The following TK1 variants were observed in gnomAD, a reference collection of about 807,000 sequenced individuals.
TK1 encodes thymidine kinase, cytosolic.
TK1 carries 13 observed loss-of-function variants against 22.4 expected under a neutral mutation model. The ratio of observed to expected loss-of-function variants is 0.58; its 90% CI spans 0.38 to 0.92. TK1 has a LOEUF of 0.92. Ranked by LOEUF, TK1 falls within the 40% of genes least tolerant of loss-of-function variation. TK1 has a pLI of 0.00. For synonymous variants in TK1, 134 were observed against 125.4 expected, an observed-to-expected ratio of 1.07 and a Z score of -0.46; for missense variants, 251 against 315.7, an observed-to-expected ratio of 0.80 and a Z score of 1.55.
Position 78,174,628 on chromosome 17 carries a change from G to T in TK1, c.*131C>A. 2 of 1,057,416 alleles carry T rather than the reference G, an allele frequency of 1.9e-6. No individual in the cohort carries two copies. The highest frequency in any genetic ancestry group is 2.7e-6 in the Non-Finnish European group (2 of 752,418). 65.5% of individuals were successfully genotyped at this position (1,057,416 alleles called of 1,614,324 possible). A position where few individuals can be genotyped will look rare whatever the true frequency, so the allele number is the denominator to read the frequency against. ...AGGTGGGGCAGCCACACAAAGGAGAGTTCCCAGAAGGCCAAGGTGTGGTCA... is the reference window on the plus strand; with the variant it reads ...AGGTGGGGCAGCCACACAAAGGAGATTTCCCAGAAGGCCAAGGTGTGGTCA... On this transcript the variant is annotated 3_prime_UTR_variant, in exon 7 of 7. Transcript: ENST00000301634.
At chr17:78,183,777 T>C (rs2075757393) in intron 3 of TK1, 1 of 152,264 alleles carries the variant, frequency 6.6e-6, no homozygotes, top group South Asian at 2.1e-4. Flanking sequence ...TACTTCGAGT[T>C]CTGGAAAGAA....
chr17:78,187,080 C>T (rs1289837902), upstream of TK1: 2 of 1,418,612 alleles, frequency 1.4e-6, no homozygotes, highest in African/African-American at 1.4e-5. Flanking sequence ...CCGCTTTAAA[C>T]CACGGCGTGC....
chr17:78,179,855 AG>A (rs2075726601), intron 4 of TK1: 1 of 610,670 alleles, frequency 1.6e-6, no homozygotes, highest in Admixed American at 6.3e-5. Context: ...AGATCACCTG[AG>A]GTTAGGAGTT....
intron 2 of TK1, among the ~76,000 whole-genome samples, chr17:78,185,498 C>T (rs781745537): frequency 2.0e-5 from 3 of 151,872 alleles, no homozygotes; most frequent in Middle Eastern, 3.2e-3. Flanking sequence ...GTAACCTCAT[C>T]CCAGAGTTGT....
chr17:78,186,664 GA>G, intron 2 of TK1, 122 bp downstream of exon 2: 2 of 990,736 alleles, frequency 2.0e-6, no homozygotes, highest in Non-Finnish European at 2.9e-6. Context: ...CCTTCTAGGG[GA>G]AGGGAAGGGG....
At chr17:78,177,810 G>A (rs1238495431) in intron 4 of TK1, among the ~76,000 whole-genome samples, 1 of 151,636 alleles carries the variant, frequency 6.6e-6, no homozygotes, top group South Asian at 2.1e-4. Flanking sequence ...TCCTGACCTC[G>A]TGATTCACCC....
intron 2 of TK1, among the ~76,000 whole-genome samples, chr17:78,185,458 T>C (rs2075776176): frequency 6.6e-6 from 1 of 152,088 alleles, no homozygotes; most frequent in African/African-American, 2.4e-5. Flanking sequence ...AAAGGCTACA[T>C]GTAGAGGGAA....
chr17:78,177,473 C>T (rs1008229376), intron 4 of TK1, among the ~76,000 whole-genome samples: 2 of 152,122 alleles, frequency 1.3e-5, no homozygotes, highest in African/African-American at 2.4e-5. Context: ...TGCAAATATT[C>T]GAAAACCTGA....
chr17:78,185,649 CGA>C (rs774284011), intron 2 of TK1, among the ~76,000 whole-genome samples: 6 of 152,022 alleles, frequency 3.9e-5, no homozygotes, highest in Non-Finnish European at 8.8e-5. Context: ...CTCAACCTCC[CGA>C]GTAGCTGGGA....
rs1065768 is a variant in TK1 at position 78,174,749 on chromosome 17, C to T, written c.*10G>A. 0.16 allele frequency: 250,147 copies of T among 1,583,212 alleles called. 27,641 individuals carry two copies. Among genetic ancestry groups the T allele is most frequent in the East Asian group, 0.45 (19,714 of 43,344 alleles). On this transcript the variant is annotated 3_prime_UTR_variant, in exon 7 of 7. Transcript: ENST00000301634. The stretch of plus-strand genomic sequence containing the variant: ...TGGCAGGAAGGGAGCGGGCGGCCCT[C>T]GCAGGTCCCTCAGTTGGCAGGGCTG...
rs183713532 is a variant in TK1 at position 78,180,844 on chromosome 17, A to C, written c.303+1745T>G. Among the ~76,000 whole-genome samples the C allele has an allele frequency of 4.8e-3, 726 of 152,324 alleles. 6 individuals are homozygous for C. Among genetic ancestry groups the C allele is most frequent in the Admixed American group, 0.019 (296 of 15,288 alleles). On this transcript the variant is annotated intron_variant, in intron 4 of 6. Coordinates refer to ENST00000301634, the MANE Select transcript of TK1 (RefSeq NM_003258.5). Reference sequence around the variant, plus strand: ...ATAAATGAAACAAAGCTTCCCCTACACACATTGTGCTGAGAGAGAACAGAT... The same window carrying C: ...ATAAATGAAACAAAGCTTCCCCTACCCACATTGTGCTGAGAGAGAACAGAT...
intron 3 of TK1, 53 bp from the exon 4 acceptor site, chr17:78,182,735 A>G (rs1405098672): frequency 5.1e-6 from 7 of 1,380,040 alleles, no homozygotes; most frequent in African/African-American, 4.4e-5. Flanking sequence ...AGAAGCCACA[A>G]TGCAGGGGCC....
chr17:78,186,710 A>AGGGGAGGGGAGGGG (rs1567837095), intron 2 of TK1, 77 bp downstream of exon 2: 2 of 761,256 alleles, frequency 2.6e-6, no homozygotes, highest in Admixed American at 5.6e-5. Context: ...GAGGGGAGGG[A>AGGGGAGGGGAGGGG]AGGGGAGGGG....
At chr17:78,177,371 T>G (rs1340508633) in intron 4 of TK1, among the ~76,000 whole-genome samples, 1 of 152,210 alleles carries the variant, frequency 6.6e-6, no homozygotes, top group Non-Finnish European at 1.5e-5. Context: ...AAAATTACTC[T>G]CAGGCTATGT....
At chr17:78,179,684 G>A in intron 4 of TK1, 1 of 985,456 alleles carries the variant, frequency 1.0e-6, no homozygotes, top group Non-Finnish European at 1.2e-6. Flanking sequence ...TCAGGCCAGA[G>A]CGGCCTGGCT....
intron 4 of TK1, among the ~76,000 whole-genome samples, chr17:78,178,502 A>C (rs1312139512): frequency 1.3e-5 from 2 of 152,202 alleles, no homozygotes; most frequent in African/African-American, 4.8e-5. Context: ...AAACGGGAAC[A>C]AGGCAGGTTC....
chr17:78,187,153 G>T (rs748834468), upstream of TK1: 133 of 956,552 alleles, frequency 1.4e-4, no homozygotes, highest in Non-Finnish European at 2.1e-4. Flanking sequence ...CTGACCTGGC[G>T]GGAGATTTGG....
intron 4 of TK1, chr17:78,179,852 C>G: frequency 1.5e-6 from 1 of 661,532 alleles, no homozygotes; most frequent in Non-Finnish European, 1.9e-6. Context: ...GGCAGATCAC[C>G]TGAGGTTAGG....
In TK1 at chr17:78,175,603, C is replaced by T; in HGVS notation, c.319G>A (p.Glu107Lys). 1.9e-6 allele frequency: 3 copies of T among 1,613,610 alleles called. No individual in the cohort carries two copies. Among genetic ancestry groups the T allele is most frequent in the Non-Finnish European group, 2.5e-6 (3 of 1,179,836 alleles). The part of the protein sequence containing the change: ...DEGQFFPDIV[E>K]FCEAMANAGK... ...GCGTTGGCCATGGCCTCGCAGAACT[C>T]CACGATGTCAGGGAACTGGAAAGGG... Residue 107 changes from glutamate (E) to lysine (K), a missense_variant, in exon 5 of 7, where the codon GAG becomes AAG. Glu to Lys is a moderately conservative substitution (Grantham distance 56, BLOSUM62 1). Coordinates refer to ENST00000301634, the MANE Select transcript of TK1 (RefSeq NM_003258.5).
Sources: gnomAD v4.1 joint callset for allele counts (sites outside exome capture counted in the v4.1 genomes callset) on GRCh38, gnomAD v4.1.1 for gene constraint, MANE v1.5 for transcripts, NCBI Gene and HGNC (gene_info 2026-07-23, HGNC 2026-07-21) for gene names.